The following MALRD1 variants were observed in gnomAD, a reference collection of about 807,000 sequenced individuals.
MALRD1 encodes the protein MAM and LDL-receptor class A domain-containing protein 1.
MALRD1 carries 247 observed loss-of-function variants against 242.1 expected under a neutral mutation model. The observed-to-expected ratio is 1.02, with a 90% CI of 0.92 to 1.13. The LOEUF is 1.13. Ranked by LOEUF, MALRD1 falls within the 50% of genes most tolerant of loss-of-function variation. The pLI is 0.00. For missense variants in MALRD1, 2,989 were observed against 2,533.1 expected, an observed-to-expected ratio of 1.18 and a Z score of -3.86; for synonymous variants, 995 against 866.6, an observed-to-expected ratio of 1.15 and a Z score of -2.60.
At chr10:19,170,897 G>T (rs1196389541) in intron 13 of MALRD1, among the ~76,000 whole-genome samples, 4 of 152,036 alleles carry the variant, frequency 2.6e-5, no homozygotes, top group Non-Finnish European at 4.4e-5. Context: ...CTAAATAAAA[G>T]GTGGCTGCTG....
chr10:19,587,772 G>T (rs998782212), intron 33 of MALRD1, among the ~76,000 whole-genome samples: 12 of 151,888 alleles, frequency 7.9e-5, no homozygotes, highest in African/African-American at 2.9e-4. Context: ...TACTGGGAAT[G>T]TCGAAGTTCC....
At chr10:19,503,995 T>A (rs1315546965) in intron 31 of MALRD1, among the ~76,000 whole-genome samples, 2 of 152,202 alleles carry the variant, frequency 1.3e-5, no homozygotes, top group Non-Finnish European at 2.9e-5. Flanking sequence ...ATTTCTATAC[T>A]CACCACTCAA....
At chr10:19,440,001 T>C (rs997916536) in intron 28 of MALRD1, among the ~76,000 whole-genome samples, 2 of 152,168 alleles carry the variant, frequency 1.3e-5, no homozygotes, top group African/African-American at 4.8e-5. Flanking sequence ...GTCCATTGCT[T>C]CTCCCTGCTG....
intron 28 of MALRD1, among the ~76,000 whole-genome samples, chr10:19,390,935 T>G (rs1191320400): frequency 1.3e-5 from 2 of 152,198 alleles, no homozygotes; most frequent in Non-Finnish European, 2.9e-5. Flanking sequence ...GCACTTAAAG[T>G]TCTCATAAGA....
chr10:19,148,773 TAAAAA>T (rs1174673634), intron 11 of MALRD1, among the ~76,000 whole-genome samples: 77 of 114,456 alleles, frequency 6.7e-4, no homozygotes, highest in Admixed American at 3.0e-3. Flanking sequence ...AAGGGCCAAT[TAAAAA>T]AAAAAAAAAA....
At chr10:19,289,036 T>C (rs1841280116) in intron 21 of MALRD1, among the ~76,000 whole-genome samples, 1 of 152,184 alleles carries the variant, frequency 6.6e-6, no homozygotes, top group East Asian at 1.9e-4. Flanking sequence ...TTATTTAATA[T>C]GTTTTAATTT....
At chr10:19,081,574 G>C (rs906163121) in intron 2 of MALRD1, among the ~76,000 whole-genome samples, 1 of 151,994 alleles carries the variant, frequency 6.6e-6, no homozygotes, top group African/African-American at 2.4e-5. Flanking sequence ...TGAGAACACA[G>C]GGACACATGG....
intron 21 of MALRD1, among the ~76,000 whole-genome samples, chr10:19,296,415 G>C (rs1369308570): frequency 6.6e-6 from 1 of 151,998 alleles, no homozygotes; most frequent in Admixed American, 6.6e-5. Context: ...TATAAGAGGA[G>C]CAAGCAGGCT....
At chr10:19,407,406 C>T (rs983084468) in intron 28 of MALRD1, among the ~76,000 whole-genome samples, 2 of 152,066 alleles carry the variant, frequency 1.3e-5, no homozygotes, top group Admixed American at 1.3e-4. Flanking sequence ...CACTGGAGCG[C>T]AGGAGTTCAA....
chr10:19,525,268 G>C (rs1257937256), intron 31 of MALRD1, among the ~76,000 whole-genome samples: 1 of 151,076 alleles, frequency 6.6e-6, no homozygotes, highest in Non-Finnish European at 1.5e-5. Flanking sequence ...ATGTAAAATT[G>C]ATTACCTTAT....
intron 32 of MALRD1, among the ~76,000 whole-genome samples, chr10:19,545,688 A>C (rs1255662993): frequency 1.3e-5 from 2 of 152,144 alleles, no homozygotes; most frequent in Non-Finnish European, 2.9e-5. Flanking sequence ...TCGTCACCTT[A>C]GGGAGATTTT....
intron 14 of MALRD1, among the ~76,000 whole-genome samples, chr10:19,181,074 G>T (rs1379833010): frequency 6.6e-6 from 1 of 152,124 alleles, no homozygotes; most frequent in Non-Finnish European, 1.5e-5. Context: ...ACACATTTTA[G>T]TAAGAGTGTG....
chr10:19,537,831 C>T (rs369408235), intron 32 of MALRD1, among the ~76,000 whole-genome samples: 21 of 152,192 alleles, frequency 1.4e-4, no homozygotes, highest in Admixed American at 3.3e-4. Flanking sequence ...ATACCATCAC[C>T]TTCGGGGTTA....
At chr10:19,264,739 C>T (rs1049249769) in intron 19 of MALRD1, among the ~76,000 whole-genome samples, 2 of 152,152 alleles carry the variant, frequency 1.3e-5, no homozygotes, top group Non-Finnish European at 2.9e-5. Flanking sequence ...AGGCGTGAGC[C>T]ACCACGCCCA....
chr10:19,393,763 G>A (rs1039615555), intron 28 of MALRD1, among the ~76,000 whole-genome samples: 2 of 149,598 alleles, frequency 1.3e-5, no homozygotes, highest in African/African-American at 4.9e-5. Flanking sequence ...CCCTGATGGG[G>A]TTAATTAATG....
At chr10:19,086,826 C>G (rs1835684254) in intron 2 of MALRD1, among the ~76,000 whole-genome samples, 1 of 152,050 alleles carries the variant, frequency 6.6e-6, no homozygotes, top group African/African-American at 2.4e-5. Flanking sequence ...GATGGGCGAG[C>G]TTATCACAGG....
chr10:19,237,784 T>G (rs2131724524), intron 18 of MALRD1, among the ~76,000 whole-genome samples: 1 of 112,398 alleles, frequency 8.9e-6, no homozygotes, highest in South Asian at 2.6e-4. Context: ...CATAATTATT[T>G]ATAATTTTAT....
At chr10:19,058,025 T>C (rs1365625540) in intron 1 of MALRD1, among the ~76,000 whole-genome samples, 2 of 152,268 alleles carry the variant, frequency 1.3e-5, no homozygotes, top group Admixed American at 1.3e-4. Flanking sequence ...CTGATTTGTA[T>C]ACAGTACTTA....
chr10:19,613,185 C>A (rs373291567), intron 35 of MALRD1, among the ~76,000 whole-genome samples: 22 of 151,872 alleles, frequency 1.4e-4, no homozygotes, highest in African/African-American at 4.8e-4. Flanking sequence ...TGAGGAAAAA[C>A]CCTGAACAGT....
Sources: allele counts gnomAD v4.1 joint callset (sites outside exome capture counted in the v4.1 genomes callset), GRCh38; gene constraint gnomAD v4.1.1; transcripts MANE v1.5; gene names NCBI Gene and HGNC (gene_info 2026-07-23, HGNC 2026-07-21).